The following GABRA4 variants were observed in gnomAD, a reference collection of about 807,000 sequenced individuals.
GABRA4 encodes gamma-aminobutyric acid type A receptor subunit alpha4.
Under a neutral mutation model 49.7 loss-of-function variants are expected in GABRA4, and 12 were observed. The observed-to-expected ratio is 0.24, with a 90% confidence interval of 0.15 to 0.39. The LOEUF (loss-of-function observed/expected upper bound fraction) is 0.39. Ranked by LOEUF, GABRA4 falls within the 10% of genes least tolerant of loss-of-function variation. The pLI, the probability that GABRA4 is intolerant of heterozygous loss-of-function variation, is 1.00. For missense variants in GABRA4, 506 were observed against 686.0 expected, an observed-to-expected ratio of 0.74 and a Z score of 2.93; for synonymous variants, 288 against 240.2, an observed-to-expected ratio of 1.20 and a Z score of -1.84.
chr4:46,938,385 A>T (rs1299684633), intron 8 of GABRA4, among the ~76,000 whole-genome samples: 1 of 152,180 alleles, frequency 6.6e-6, no homozygotes, highest in Non-Finnish European at 1.5e-5. Context: ...CATAGCAAGT[A>T]GTCTGAGTTA....
intron 6 of GABRA4, among the ~76,000 whole-genome samples, chr4:46,972,873 CA>C (rs960112419): frequency 1.7e-4 from 26 of 150,606 alleles, no homozygotes; most frequent in African/African-American, 2.2e-4. Flanking sequence ...AAAACAAAAA[CA>C]AAAAAAAACT....
At chr4:46,978,527 G>A (rs1050656128) in intron 3 of GABRA4, among the ~76,000 whole-genome samples, 11 of 150,256 alleles carry the variant, frequency 7.3e-5, no homozygotes, top group Non-Finnish European at 1.5e-4. Flanking sequence ...ATCTCTACTA[G>A]AAACACAAAA....
chr4:46,963,344 C>T (rs1372209418), intron 8 of GABRA4, among the ~76,000 whole-genome samples: 7 of 151,738 alleles, frequency 4.6e-5, no homozygotes, highest in Admixed American at 2.6e-4. Context: ...TGAATTTTAT[C>T]CCCCAGAATT....
At chr4:46,943,282 G>C (rs753345918) in intron 8 of GABRA4, among the ~76,000 whole-genome samples, 15 of 152,070 alleles carry the variant, frequency 9.9e-5, no homozygotes, top group Non-Finnish European at 2.2e-4. Context: ...CAAAACTTCA[G>C]CTGTTTCTGC....
At chr4:46,940,067 C>T (rs1721739296) in intron 8 of GABRA4, among the ~76,000 whole-genome samples, 1 of 151,842 alleles carries the variant, frequency 6.6e-6, no homozygotes, top group Non-Finnish European at 1.5e-5. Flanking sequence ...AGACACTTTC[C>T]CTGTGAGTTA....
chr4:46,945,027 C>G (rs1721937008), intron 8 of GABRA4, among the ~76,000 whole-genome samples: 1 of 152,154 alleles, frequency 6.6e-6, no homozygotes, highest in Non-Finnish European at 1.5e-5. Flanking sequence ...AAATCATTCT[C>G]TCTTGTATAC....
intron 7 of GABRA4, among the ~76,000 whole-genome samples, chr4:46,968,119 G>A (rs1722830163): frequency 6.6e-6 from 1 of 151,394 alleles, no homozygotes; most frequent in South Asian, 2.1e-4. Flanking sequence ...GGAAATAAGA[G>A]TTAGGAAAGA....
In GABRA4 at chr4:46,928,628, G is replaced by A. The variant is rs1721322923; in HGVS notation, c.1262C>T (p.Ser421Phe). The change falls in exon 9 of 9, where the codon TCT (serine) becomes TTT (phenylalanine). Residue 421 changes from serine to phenylalanine, a missense_variant. Coordinates refer to ENST00000264318, the MANE Select transcript of GABRA4 (RefSeq NM_000809.4). Reference protein sequence around the residue: ...SKSSTVVQESSKGTPRSYLAS... With the variant: ...SKSSTVVQESFKGTPRSYLAS... ...TAAGTAAGACCGAGGTGTGCCTTTAGAAGATTCTTGAACAACTGTGGAAGA... is the reference window on the plus strand; with the variant it reads ...TAAGTAAGACCGAGGTGTGCCTTTAAAAGATTCTTGAACAACTGTGGAAGA... 6.2e-7 allele frequency: 1 copy of A among 1,613,712 alleles called. No individual in the cohort carries two copies. The highest frequency in any genetic ancestry group is 1.1e-5 in the South Asian group (1 of 91,068).
chr4:46,975,880 G>A (rs940753714), intron 5 of GABRA4, among the ~76,000 whole-genome samples: 7 of 151,884 alleles, frequency 4.6e-5, no homozygotes, highest in African/African-American at 1.7e-4. Flanking sequence ...TTATTGGTAA[G>A]AGAACATAAT....
chr4:46,972,029 A>C (rs1278942924), intron 6 of GABRA4, among the ~76,000 whole-genome samples: 1 of 151,646 alleles, frequency 6.6e-6, no homozygotes, highest in African/African-American at 2.4e-5. Flanking sequence ...GGCCTTATTC[A>C]CAAACCATGA....
In GABRA4 at chr4:46,928,105, T is replaced by C. The variant is rs1272636185; in HGVS notation, c.*120A>G. On this transcript the variant is annotated 3_prime_UTR_variant, in exon 9 of 9. Coordinates refer to ENST00000264318, the MANE Select transcript of GABRA4 (RefSeq NM_000809.4). ...TCTCCCAATAACTGGCTTATATCTT[T>C]AAATGGAAAAATTACACAGAGTTTT... The C allele has an allele frequency of 1.1e-6, 1 of 903,064 alleles. No homozygotes were observed. The highest frequency in any genetic ancestry group is 1.7e-5 in the African/African-American group (1 of 59,428). The allele number at this position is 903,064 out of a possible 1,614,324, so 55.9% of individuals were successfully genotyped here.
chr4:46,924,741 A>G lies in GABRA4; in HGVS notation c.*3484T>C, dbSNP rs577296687. On this transcript the variant is annotated 3_prime_UTR_variant, in exon 9 of 9. Coordinates refer to ENST00000264318, the MANE Select transcript of GABRA4 (RefSeq NM_000809.4). ...AAGCAGTAGAACTAAATTTTTGTCC[A>G]TAAACACTTATTTGTGGTTCAAAGT... The G allele has an allele frequency of 1.3e-5, 2 of 152,164 alleles. No homozygotes were observed. Among genetic ancestry groups the G allele is most frequent in the South Asian group, 2.1e-4 (1 of 4,830 alleles). The allele number at this position is 152,164 out of a possible 1,614,324, so 9.4% of individuals were successfully genotyped here.
intron 2 of GABRA4, among the ~76,000 whole-genome samples, chr4:46,980,339 A>C (rs1465681659): frequency 6.7e-6 from 1 of 148,854 alleles, no homozygotes; most frequent in African/African-American, 2.5e-5. Flanking sequence ...ATAATCTCTC[A>C]CTTGGATTCT....
chr4:46,962,836 G>T (rs1018408909), intron 8 of GABRA4, among the ~76,000 whole-genome samples: 3 of 151,772 alleles, frequency 2.0e-5, no homozygotes, highest in African/African-American at 7.3e-5. Flanking sequence ...CAACACAGGT[G>T]CCAAGAATAT....
At chr4:46,993,265 TG>T in intron 1 of GABRA4, 73 bp downstream of exon 1, 1 of 1,280,636 alleles carries the variant, frequency 7.8e-7, no homozygotes, top group Non-Finnish European at 1.1e-6. Flanking sequence ...GAGGAGCGAG[TG>T]GCCAAAGGGG....
chr4:46,974,429 CA>C, intron 5 of GABRA4, 54 bp from the exon 6 acceptor site: 1 of 1,502,926 alleles, frequency 6.7e-7, no homozygotes, highest in Non-Finnish European at 9.1e-7. Context: ...TCATCCACAT[CA>C]GTGGTCAACA....
chr4:46,925,062 T>C lies in GABRA4; in HGVS notation c.*3163A>G, dbSNP rs890738136. 1.3e-5 allele frequency: 2 copies of C among 151,968 alleles called. No homozygotes were observed. Among genetic ancestry groups the C allele is most frequent in the African/African-American group, 4.8e-5 (2 of 41,418 alleles). The allele number at this position is 151,968 out of a possible 1,614,324, so 9.4% of individuals were successfully genotyped here. ...GATATTTTTCTAGGCCAGGAAGTAT[T>C]GGCCAGCTCATGGGTAAAATAAGCC... On this transcript the variant is annotated 3_prime_UTR_variant, in exon 9 of 9. Coordinates refer to ENST00000264318, the MANE Select transcript of GABRA4 (RefSeq NM_000809.4).
At chr4:46,929,519 C>T (rs1029815840) in intron 8 of GABRA4, among the ~76,000 whole-genome samples, 1 of 152,010 alleles carries the variant, frequency 6.6e-6, no homozygotes, top group Non-Finnish European at 1.5e-5. Flanking sequence ...CACTGCTTTT[C>T]AGCAAATTAT....
rs115630081 is a variant in GABRA4 at position 46,951,138 on chromosome 4, T to C, written c.1134+13832A>G. Among the ~76,000 whole-genome samples the C allele has an allele frequency of 1.7e-3, 253 of 152,164 alleles. 2 individuals carry two copies. Among genetic ancestry groups the C allele is most frequent in the Middle Eastern group, 6.9e-3 (2 of 290 alleles). On this transcript the variant is annotated intron_variant, in intron 8 of 8. Transcript: ENST00000264318. ...AGTTCCAAAGAAATTAGGTCGTTTG[T>C]GGTTAAGAGAAGAGTTACACAGATT...
Sources: allele counts gnomAD v4.1 joint callset (sites outside exome capture counted in the v4.1 genomes callset), GRCh38; gene constraint gnomAD v4.1.1; transcripts MANE v1.5; gene names NCBI Gene and HGNC (gene_info 2026-07-23, HGNC 2026-07-21).